The following NIPAL2 variants were observed in gnomAD, a reference collection of about 807,000 sequenced individuals.
The protein encoded by NIPAL2 is NIPA like domain containing 2, also known as NIPA-like protein 2.
A neutral mutation model predicts 48.9 loss-of-function variants in NIPAL2; 43 were observed. The observed-to-expected ratio is 0.88, with a 90% CI of 0.69 to 1.13. NIPAL2 has a LOEUF of 1.13. Ranked by LOEUF, NIPAL2 falls within the 50% of genes most tolerant of loss-of-function variation. The probability of loss-of-function intolerance (pLI) is 0.00; values close to 1 mark genes in which losing one functional copy is unlikely to be tolerated. For synonymous variants in NIPAL2, 167 were observed against 174.6 expected, an observed-to-expected ratio of 0.96 and a Z score of 0.34; for missense variants, 446 against 461.4, an observed-to-expected ratio of 0.97 and a Z score of 0.31.
chr8:98,252,522 G>C lies in NIPAL2; in HGVS notation c.317C>G (p.Ala106Gly), dbSNP rs1307910114. Residue 106 changes from alanine to glycine, a missense_variant, in exon 3 of 11, where the codon GCA (alanine) becomes GGA (glycine). Physicochemically the swap from Ala to Gly is moderately conservative, Grantham distance 60. Coordinates refer to ENST00000430223, the MANE Select transcript of NIPAL2 (RefSeq NM_001321635.2). ...AGTAATGGGAGCAAATCCATAGGCTGCAAAGTTCCCCGTCTCTCCCACGGC... is the reference window on the plus strand; with the variant it reads ...AGTAATGGGAGCAAATCCATAGGCTCCAAAGTTCCCCGTCTCTCCCACGGC... ...LMAVGETGNF[A>G]AYGFAPITLI... 1.2e-6 allele frequency: 2 copies of C among 1,614,058 alleles called. No homozygotes were observed. Among genetic ancestry groups the C allele is most frequent in the African/African-American group, 2.7e-5 (2 of 75,028 alleles).
intron 5 of NIPAL2, among the ~76,000 whole-genome samples, chr8:98,222,025 C>T (rs949041467): frequency 6.6e-6 from 1 of 152,080 alleles, no homozygotes; most frequent in African/African-American, 2.4e-5. Flanking sequence ...CAAAGACTTG[C>T]AACCAACCCA....
intron 6 of NIPAL2, among the ~76,000 whole-genome samples, chr8:98,205,815 C>G (rs1465069344): frequency 6.6e-6 from 1 of 152,048 alleles, no homozygotes; most frequent in East Asian, 1.9e-4. Flanking sequence ...TAGGAGACAC[C>G]TAGAAGTTTC....
In NIPAL2 at chr8:98,279,193, G is replaced by A. The variant is rs1815652875; in HGVS notation, c.135+14810C>T. ...CATTAACTCCCCTAATTACTGGGGAGGAAAACTTCAAATTTGCAATGCTTT... is the reference window on the plus strand; with the variant it reads ...CATTAACTCCCCTAATTACTGGGGAAGAAAACTTCAAATTTGCAATGCTTT... On this transcript the variant is annotated intron_variant, in intron 1 of 10. Transcript: ENST00000430223. Among the ~76,000 whole-genome samples, 3 of 152,246 alleles carry A rather than the reference G, an allele frequency of 2.0e-5. No individual in the cohort carries two copies. In the South Asian group the frequency reaches 6.2e-4, roughly 32 times the overall value.
chr8:98,260,729 A>C (rs1472422906), intron 1 of NIPAL2, among the ~76,000 whole-genome samples: 1 of 152,202 alleles, frequency 6.6e-6, no homozygotes, highest in Non-Finnish European at 1.5e-5. Context: ...CCCAGGCTTG[A>C]TTAGGTAAAC....
intron 1 of NIPAL2, among the ~76,000 whole-genome samples, chr8:98,266,774 G>C (rs562050806): frequency 6.6e-6 from 1 of 151,510 alleles, no homozygotes; most frequent in African/African-American, 2.4e-5. Flanking sequence ...TCATGTAAAT[G>C]CTAAAAAAAA....
In NIPAL2 at chr8:98,192,966, C is replaced by T; in HGVS notation, c.*12G>A. 6.4e-7 allele frequency: 1 copy of T among 1,555,580 alleles called. No individual in the cohort carries two copies. The highest frequency in any genetic ancestry group is 1.4e-5 in the African/African-American group (1 of 73,872). Reference sequence around the variant, plus strand: ...TATCGAATAACAGGCCAACAGCCATCCTTCTCAGCATTTAGACCTCTTTCT... The same window carrying T: ...TATCGAATAACAGGCCAACAGCCATTCTTCTCAGCATTTAGACCTCTTTCT... On this transcript the variant is annotated 3_prime_UTR_variant, in exon 11 of 11. Coordinates refer to ENST00000430223, the MANE Select transcript of NIPAL2 (RefSeq NM_001321635.2).
At chr8:98,282,393 G>T (rs955802360) in intron 1 of NIPAL2, among the ~76,000 whole-genome samples, 1 of 152,194 alleles carries the variant, frequency 6.6e-6, no homozygotes, top group African/African-American at 2.4e-5. Context: ...CATCCTAGCT[G>T]CAGTGTGGAG....
At chr8:98,281,136 G>A (rs1414690922) in intron 1 of NIPAL2, among the ~76,000 whole-genome samples, 1 of 152,100 alleles carries the variant, frequency 6.6e-6, no homozygotes, top group African/African-American at 2.4e-5. Flanking sequence ...GAAAGGACAT[G>A]AAATGAAAGT....
rs1482342206 is a variant in NIPAL2, at chr8:98,261,412, C to T, written c.136-7325G>A. ...TTAGAAGAATGTATAACTAGAATAA[C>T]CAATACAGAGAAGTGCTTAAAGGAG... On this transcript the variant is annotated intron_variant, in intron 1 of 10. Coordinates refer to ENST00000430223, the MANE Select transcript of NIPAL2 (RefSeq NM_001321635.2). 2.1e-5 allele frequency among the ~76,000 whole-genome samples: 3 copies of T among 141,528 alleles called. No individual in the cohort carries two copies. In the East Asian group the frequency reaches 6.1e-4, roughly 29 times the overall value. The allele number at this position is 141,528 out of a possible 152,430, so 92.8% of individuals were successfully genotyped here.
intron 6 of NIPAL2, among the ~76,000 whole-genome samples, chr8:98,209,101 T>C (rs190115386): frequency 3.3e-5 from 5 of 152,314 alleles, no homozygotes; most frequent in Middle Eastern, 6.8e-3. Context: ...TTAATGAATT[T>C]CTTAAAGAAT....
chr8:98,212,952 T>G (rs1322424016), intron 5 of NIPAL2, among the ~76,000 whole-genome samples: 2 of 152,220 alleles, frequency 1.3e-5, no homozygotes, highest in African/African-American at 4.8e-5. Flanking sequence ...TCTAGACAGC[T>G]GCATTTGCTT....
intron 1 of NIPAL2, among the ~76,000 whole-genome samples, chr8:98,268,814 T>C (rs1298248015): frequency 6.6e-6 from 1 of 152,172 alleles, no homozygotes; most frequent in Non-Finnish European, 1.5e-5. Context: ...GTTTATTAAG[T>C]ATAGTGTAAC....
chr8:98,193,891 G>A (rs1472061270), intron 10 of NIPAL2, among the ~76,000 whole-genome samples: 1 of 152,030 alleles, frequency 6.6e-6, no homozygotes, highest in African/African-American at 2.4e-5. Context: ...TGCCACTGAT[G>A]CCAATTCTTT....
At chr8:98,270,154 A>C (rs1025655975) in intron 1 of NIPAL2, among the ~76,000 whole-genome samples, 8 of 152,174 alleles carry the variant, frequency 5.3e-5, no homozygotes, top group Admixed American at 1.3e-4. Flanking sequence ...ATGTGAGTGC[A>C]TGCATCTTTT....
chr8:98,292,161 G>T (rs1311190734), intron 1 of NIPAL2, among the ~76,000 whole-genome samples: 1 of 152,136 alleles, frequency 6.6e-6, no homozygotes, highest in East Asian at 1.9e-4. Flanking sequence ...TTGATTGTGG[G>T]AGTGACACAT....
intron 1 of NIPAL2, among the ~76,000 whole-genome samples, chr8:98,287,145 T>G (rs1310003739): frequency 6.6e-6 from 1 of 152,214 alleles, no homozygotes; most frequent in Non-Finnish European, 1.5e-5. Flanking sequence ...CAAAGTCTTA[T>G]GTTAACACTA....
At chr8:98,272,568 C>T (rs543563780) in intron 1 of NIPAL2, among the ~76,000 whole-genome samples, 54 of 151,258 alleles carry the variant, frequency 3.6e-4, no homozygotes, top group Admixed American at 2.2e-3. Context: ...ACAATTAATG[C>T]GTTTGTTCTT....
intron 8 of NIPAL2, among the ~76,000 whole-genome samples, chr8:98,199,402 C>T (rs1430821099): frequency 6.6e-6 from 1 of 152,156 alleles, no homozygotes; most frequent in African/African-American, 2.4e-5. Flanking sequence ...TTGTGGGATG[C>T]TTCCTTTCAT....
In NIPAL2 at chr8:98,266,033, C is replaced by G. The variant is rs1814706324; in HGVS notation, c.136-11946G>C. Among the ~76,000 whole-genome samples the G allele has an allele frequency of 2.0e-5, 3 of 148,502 alleles. No homozygotes were observed. The South Asian group carries it at 6.4e-4, about 32-fold the overall frequency. On this transcript the variant is annotated intron_variant, in intron 1 of 10. Transcript: ENST00000430223. Reference sequence around the variant, plus strand: ...CATTCTCAGTAAACTATCGCAAGAACAAAAAACCAAACACCGCATATTCTC... The same window carrying G: ...CATTCTCAGTAAACTATCGCAAGAAGAAAAAACCAAACACCGCATATTCTC...
Sources: allele counts gnomAD v4.1 joint callset (sites outside exome capture counted in the v4.1 genomes callset), GRCh38; gene constraint gnomAD v4.1.1; transcripts MANE v1.5; gene names NCBI Gene and HGNC (gene_info 2026-07-23, HGNC 2026-07-21).